The following DST variants were observed in gnomAD, a reference collection of about 807,000 sequenced individuals.
DST encodes the protein dystonin, also known as bullous pemphigoid antigen.
A neutral mutation model predicts 875.2 loss-of-function variants in DST; 253 were observed. That is an observed-to-expected ratio of 0.29 (90% CI 0.26 to 0.32). The LOEUF (loss-of-function observed/expected upper bound fraction) is 0.32. Among genes scored for constraint, DST ranks in the 10% least tolerant of loss-of-function variants. The probability of loss-of-function intolerance (pLI) is 1.00; values close to 1 mark genes in which losing one functional copy is unlikely to be tolerated. For synonymous variants in DST, 3,124 were observed against 3,197.1 expected (o/e 0.98, Z 0.77); for missense variants, 8,287 against 9,111.6 (o/e 0.91, Z 3.68).
Position 56,630,303 on chromosome 6 carries a change from TCA to T in DST, c.4221_4222del (p.Cys1407Ter), listed in dbSNP as rs1254763014. 6.2e-7 allele frequency: 1 copy of T among 1,610,560 alleles called. No individual in the cohort carries two copies. Among genetic ancestry groups the T allele is most frequent in the Admixed American group, 1.7e-5 (1 of 60,024 alleles). On this transcript the variant is annotated stop_gained and frameshift_variant, in exon 31 of 104. Transcript: ENST00000680361. LOFTEE classifies it high-confidence loss of function. ...CTTGTCAGCTATAACTGCTTCTTCT[TCA>T]CACAGTTTAGTTTCATAGAGTTTTA...
At chr6:56,471,299 T>G in intron 94 of DST, 31 bp from the exon 95 acceptor site, 10 of 1,523,070 alleles carry the variant, frequency 6.6e-6, no homozygotes, top group Non-Finnish European at 8.9e-6. Context: ...TTGATTGAGT[T>G]AATGCTGTAC....
At position 56,560,231 on chromosome 6, in the gene DST, T is replaced by C. The variant is rs77974957; in HGVS notation, c.14440+63A>G. 2,678 of 1,422,042 alleles carry C rather than the reference T, an allele frequency of 1.9e-3. 33 individuals carry two copies. In the African/African-American group the frequency reaches 0.031, roughly 17 times the overall value. 88.1% of individuals were successfully genotyped at this position (1,422,042 alleles called of 1,614,324 possible). ...GTTGAATGTTTTCTGATAAAGATCA[T>C]GATAAACATGAAAAATGATTGCACT... On this transcript the variant is annotated intron_variant, in intron 58 of 103. Transcript: ENST00000680361.
chr6:56,742,628 T>G (rs1324379997), intron 4 of DST, among the ~76,000 whole-genome samples: 2 of 152,192 alleles, frequency 1.3e-5, no homozygotes, highest in Non-Finnish European at 2.9e-5. Flanking sequence ...AAGTTTTAAT[T>G]CCCTTTTTTT....
intron 4 of DST, among the ~76,000 whole-genome samples, chr6:56,772,298 A>T (rs2099668163): frequency 6.6e-6 from 1 of 152,250 alleles, no homozygotes; most frequent in Admixed American, 6.5e-5. Flanking sequence ...GGAAAATAAG[A>T]ACTAAAAATA....
At chr6:56,916,370 T>A (rs1800928129) in intron 2 of DST, among the ~76,000 whole-genome samples, 1 of 152,188 alleles carries the variant, frequency 6.6e-6, no homozygotes. Flanking sequence ...GACCTTCAGT[T>A]GGCAACTCTT....
intron 2 of DST, among the ~76,000 whole-genome samples, chr6:56,912,750 G>T (rs1799305091): frequency 1.3e-5 from 2 of 152,258 alleles, no homozygotes; most frequent in South Asian, 4.1e-4. Context: ...TCTCCACTCT[G>T]CTGGATTATG....
chr6:56,693,130 C>T (rs547669552), intron 9 of DST: 2 of 1,285,458 alleles, frequency 1.6e-6, no homozygotes, highest in African/African-American at 1.5e-5. Context: ...AGCTCTTACA[C>T]ATCCACAGAC....
chr6:56,660,375 T>C (rs1353641758), intron 10 of DST, among the ~76,000 whole-genome samples: 9 of 152,156 alleles, frequency 5.9e-5, no homozygotes. Context: ...ACTCCATTCC[T>C]AAAGATCATT....
rs771590303 is a variant in DST, at chr6:56,670,833, C to G, written c.1048-26G>C. The G allele has an allele frequency of 6.0e-6, 9 of 1,511,280 alleles. No individual in the cohort carries two copies. The Admixed American group carries it at 1.9e-4, about 33-fold the overall frequency. The allele number at this position is 1,511,280 out of a possible 1,614,324, so 93.6% of individuals were successfully genotyped here. ...CTAGATATAACAGAAAGTGTTAAACCTTTAGGAAGGAAGGAAGCTAACTCA... is the reference window on the plus strand; with the variant it reads ...CTAGATATAACAGAAAGTGTTAAACGTTTAGGAAGGAAGGAAGCTAACTCA... On this transcript the variant is annotated intron_variant, in intron 9 of 103. Transcript: ENST00000680361.
rs115872381 is a variant in DST, at chr6:56,634,981, G to C, written c.3187-28C>G. On this transcript the variant is annotated intron_variant, in intron 24 of 103. Transcript: ENST00000680361. The stretch of plus-strand genomic sequence containing the variant: ...AAGTAATAAATACAGTGAATTTTAA[G>C]AAGTAAAAGACTTGTACTCTCCATG... The C allele has an allele frequency of 0.038, 59,597 of 1,581,370 alleles. 1,410 individuals are homozygous for C. Among genetic ancestry groups the C allele is most frequent in the Non-Finnish European group, 0.045 (51,925 of 1,152,712 alleles).
rs192556455 is a variant in DST at position 56,881,273 on chromosome 6, G to A, written c.417+19148C>T. On this transcript the variant is annotated intron_variant, in intron 3 of 103. Coordinates refer to ENST00000680361, the MANE Select transcript of DST (RefSeq NM_001374736.1). ...GCAGATCACGAGGTCAGGATTTCAA[G>A]ACCAACCTGGCCAACATAGTGAAAC... Among the ~76,000 whole-genome samples, 177 of 152,218 alleles carry A rather than the reference G, an allele frequency of 1.2e-3. 1 individual carries two copies. The highest frequency in any genetic ancestry group is 4.0e-3 in the African/African-American group (166 of 41,554).
At chr6:56,647,402 C>T (rs971555361) in intron 13 of DST, among the ~76,000 whole-genome samples, 2 of 152,122 alleles carry the variant, frequency 1.3e-5, no homozygotes, top group East Asian at 1.9e-4. Flanking sequence ...AGGACAAACT[C>T]CCCGTGGCAA....
At position 56,608,758 on chromosome 6, in the gene DST, C is replaced by T. The variant is rs927723012; in HGVS notation, c.5870G>A (p.Gly1957Asp). ...WLLPVRPQEG[G>D]RITLKCGRNI... ...TCTTCCACATTTTAATGTTATTCTA[C>T]CTCCTTCTTGTGGTCTCACAGGTAG... Residue 1957 changes from glycine (G) to aspartate (D), a missense_variant, in exon 40 of 104, where the codon GGT becomes GAT. Coordinates refer to ENST00000680361, the MANE Select transcript of DST (RefSeq NM_001374736.1). 1 of 1,609,212 alleles carries T rather than the reference C, an allele frequency of 6.2e-7. No homozygotes were observed. The highest frequency in any genetic ancestry group is 1.3e-5 in the African/African-American group (1 of 74,862).
At chr6:56,624,413 C>T in intron 36 of DST, 117 bp downstream of exon 36, 2 of 733,256 alleles carry the variant, frequency 2.7e-6, no homozygotes, top group Middle Eastern at 2.3e-4. Flanking sequence ...ATTTGTACAT[C>T]TGCTACCGGC....
At chr6:56,508,876 A>C in intron 74 of DST, 121 bp from the exon 75 acceptor site, 1 of 738,706 alleles carries the variant, frequency 1.4e-6, no homozygotes, top group Non-Finnish European at 2.2e-6. Context: ...AACTGGACCA[A>C]GTTTTGAATG....
chr6:56,618,581 T>C, intron 36 of DST: 1 of 1,614,194 alleles, frequency 6.2e-7, no homozygotes, highest in South Asian at 1.1e-5. Context: ...TTCCATGTGC[T>C]GCCCTTGCTG....
At chr6:56,717,606 G>A (rs974179831) in intron 5 of DST, among the ~76,000 whole-genome samples, 1 of 152,106 alleles carries the variant, frequency 6.6e-6, no homozygotes, top group African/African-American at 2.4e-5. Flanking sequence ...CATCACTATT[G>A]CAGAAGCTAA....
chr6:56,655,626 G>C (rs1172645625), intron 10 of DST, among the ~76,000 whole-genome samples: 1 of 152,098 alleles, frequency 6.6e-6, no homozygotes. Flanking sequence ...CCTTTCATAA[G>C]TCTTGGGGGT....
At chr6:56,463,471 C>T in intron 101 of DST, 94 bp downstream of exon 101, 1 of 1,183,798 alleles carries the variant, frequency 8.4e-7, no homozygotes, top group Non-Finnish European at 1.2e-6. Context: ...GATAGCTGGT[C>T]CTACAAATTC....
Sources: gnomAD v4.1 joint callset for allele counts (sites outside exome capture counted in the v4.1 genomes callset) on GRCh38, gnomAD v4.1.1 for gene constraint, MANE v1.5 for transcripts, NCBI Gene and HGNC (gene_info 2026-07-23, HGNC 2026-07-21) for gene names.